Variants in NUP210 observed in about 807,000 individuals in gnomAD.
NUP210 encodes the protein nucleoporin 210.
In NUP210, 151 loss-of-function variants were observed where a neutral mutation model predicts 196.0. The observed-to-expected ratio is 0.77, with a 90% CI of 0.67 to 0.88. The LOEUF (loss-of-function observed/expected upper bound fraction) is 0.88. Among genes scored for constraint, NUP210 ranks in the 40% least tolerant of loss-of-function variants. The probability of loss-of-function intolerance (pLI) is 0.00; values close to 1 mark genes in which losing one functional copy is unlikely to be tolerated. For missense variants in NUP210, 2,314 were observed against 2,493.7 expected (o/e 0.93, Z 1.53); for synonymous variants, 1,070 against 1,052.7 (o/e 1.02, Z -0.32).
intron 1 of NUP210, among the ~76,000 whole-genome samples, chr3:13,419,173 G>A (rs929612315): frequency 1.3e-5 from 2 of 150,576 alleles, no homozygotes; most frequent in African/African-American, 5.0e-5. Flanking sequence ...CAGAAATAAA[G>A]GGAGCAACTA....
chr3:13,371,656 G>A (rs1019457639), intron 13 of NUP210, among the ~76,000 whole-genome samples, 178 bp downstream of exon 13: 6 of 152,192 alleles, frequency 3.9e-5, no homozygotes, highest in African/African-American at 7.2e-5. Flanking sequence ...CACACGGTGG[G>A]CAAGATCCAG....
intron 27 of NUP210, 136 bp downstream of exon 27, chr3:13,336,651 A>C: frequency 3.3e-6 from 3 of 897,148 alleles, no homozygotes; most frequent in East Asian, 2.9e-5. Flanking sequence ...GGGAGAGGGA[A>C]GAAAGTGGGC....
chr3:13,342,217 C>A, intron 21 of NUP210, 94 bp from the exon 22 acceptor site: 16 of 1,474,916 alleles, frequency 1.1e-5, no homozygotes, highest in Non-Finnish European at 1.5e-5. Flanking sequence ...GCATCACTAA[C>A]CTCAACCCAC....
chr3:13,374,277 G>A (rs1042317084), intron 11 of NUP210, among the ~76,000 whole-genome samples: 11 of 151,962 alleles, frequency 7.2e-5, no homozygotes, highest in African/African-American at 1.7e-4. Flanking sequence ...TCGCACCCAC[G>A]GTACACTCAC....
At chr3:13,412,188 G>A (rs1394591499) in intron 1 of NUP210, among the ~76,000 whole-genome samples, 1 of 151,062 alleles carries the variant, frequency 6.6e-6, no homozygotes, top group African/African-American at 2.4e-5. Flanking sequence ...GGAGTAGCTG[G>A]GACCACAGGT....
intron 1 of NUP210, among the ~76,000 whole-genome samples, chr3:13,415,469 A>G (rs1166248653): frequency 6.6e-6 from 1 of 152,168 alleles, no homozygotes; most frequent in African/African-American, 2.4e-5. Flanking sequence ...CTGTGACTCT[A>G]AGGCCAGGCA....
chr3:13,412,483 G>A (rs1238955487), intron 1 of NUP210, among the ~76,000 whole-genome samples: 6 of 151,820 alleles, frequency 4.0e-5, no homozygotes, highest in African/African-American at 9.7e-5. Context: ...GGAGGCAGAG[G>A]AGGGCTGATC....
chr3:13,319,981 T>C lies in NUP210; in HGVS notation c.5167-2A>G. On this transcript the variant is annotated splice_acceptor_variant, in intron 36 of 39. Coordinates refer to ENST00000254508, the MANE Select transcript of NUP210 (RefSeq NM_024923.4). LOFTEE classifies it high-confidence loss of function. ...CACGGCCGGGGACCCGGATTTCACC[T>C]GGAAGAGACATCAGAGCTGGGGGTG... The C allele has an allele frequency of 6.2e-7, 1 of 1,613,282 alleles. No individual in the cohort carries two copies. The highest frequency in any genetic ancestry group is 8.5e-7 in the Non-Finnish European group (1 of 1,179,972).
intron 21 of NUP210, 66 bp from the exon 22 acceptor site, chr3:13,342,189 C>T: frequency 6.3e-7 from 1 of 1,585,224 alleles, no homozygotes; most frequent in Non-Finnish European, 8.6e-7. Flanking sequence ...CTATGGTGCT[C>T]CGTGACTTTC....
At chr3:13,338,909 C>G (rs985274167) in intron 25 of NUP210, among the ~76,000 whole-genome samples, 1 of 152,152 alleles carries the variant, frequency 6.6e-6, no homozygotes, top group African/African-American at 2.4e-5. Context: ...CTGTGCCCCT[C>G]TTGCTGAATT....
At chr3:13,341,699 C>A (rs745841438) in intron 23 of NUP210, 49 bp downstream of exon 23, 2 of 1,606,412 alleles carry the variant, frequency 1.2e-6, no homozygotes. Flanking sequence ...ACACTCCCAA[C>A]CCCCAGCACT....
intron 2 of NUP210, among the ~76,000 whole-genome samples, chr3:13,398,043 A>G (rs542285464): frequency 1.3e-5 from 2 of 152,346 alleles, no homozygotes; most frequent in African/African-American, 4.8e-5. Context: ...AAGAGATACA[A>G]AATTGTTCTG....
At chr3:13,342,638 CACTGAGGA>C (rs1697558914) in intron 21 of NUP210, among the ~76,000 whole-genome samples, 1 of 152,214 alleles carries the variant, frequency 6.6e-6, no homozygotes, top group Non-Finnish European at 1.5e-5. Context: ...CCCTTCTATC[CACTGAGGA>C]ACCTGACCGC....
At chr3:13,381,241 C>G (rs1213190935) in intron 6 of NUP210, among the ~76,000 whole-genome samples, 3 of 152,196 alleles carry the variant, frequency 2.0e-5, no homozygotes, top group African/African-American at 7.2e-5. Context: ...AGCTTCCTCC[C>G]TTGTTTACTT....
intron 1 of NUP210, among the ~76,000 whole-genome samples, chr3:13,407,296 T>C (rs1700034497): frequency 6.6e-6 from 1 of 152,120 alleles, no homozygotes; most frequent in Admixed American, 6.5e-5. Flanking sequence ...GTGCCTATAG[T>C]TCCAATTATG....
In NUP210 at chr3:13,418,605, T is replaced by C. The variant is rs372582360; in HGVS notation, c.167+1455A>G. On this transcript the variant is annotated intron_variant, in intron 1 of 39. Transcript: ENST00000254508. ...GAGTTTGAGACCAGCCTGGCCAACA[T>C]AGTGAAACCCCGTCTCTACTAAAAT... is the stretch of plus-strand genomic sequence containing the variant. Among the ~76,000 whole-genome samples, 74 of 151,954 alleles carry C rather than the reference T, an allele frequency of 4.9e-4. 1 individual carries two copies. The highest frequency in any genetic ancestry group is 1.8e-3 in the African/African-American group (73 of 41,446).
chr3:13,379,894 G>A lies in NUP210; in HGVS notation c.818-173C>T, dbSNP rs1356075953. Among the ~76,000 whole-genome samples the A allele has an allele frequency of 1.6e-4, 24 of 152,152 alleles. No homozygotes were observed. The highest frequency in any genetic ancestry group is 1.6e-3 in the Admixed American group (24 of 15,274). ...AAATGTTAATATTGTTCTGCATGCT[G>A]GTGGACAAAACTGACACTCCATGAA... On this transcript the variant is annotated intron_variant, in intron 6 of 39. Coordinates refer to ENST00000254508, the MANE Select transcript of NUP210 (RefSeq NM_024923.4). This position sits in a 1 kb window ranked among gnomAD's most constrained non-coding sequence, Gnocchi z 4.2.
rs572054120 is a variant in NUP210, at chr3:13,322,053, T to C, written c.4915+140A>G. 6 of 1,214,774 alleles carry C rather than the reference T, an allele frequency of 4.9e-6. No individual in the cohort carries two copies. In the South Asian group the frequency reaches 7.0e-5, roughly 14 times the overall value. 75.2% of individuals were successfully genotyped at this position (1,214,774 alleles called of 1,614,324 possible). ...GCAGTCCTCCCAAGTCCCCCTGGCGTCAATCCCCAGGCTGGGCTCCTGACA... is the reference window on the plus strand; with the variant it reads ...GCAGTCCTCCCAAGTCCCCCTGGCGCCAATCCCCAGGCTGGGCTCCTGACA... On this transcript the variant is annotated intron_variant, in intron 35 of 39. Coordinates refer to ENST00000254508, the MANE Select transcript of NUP210 (RefSeq NM_024923.4).
In NUP210 at chr3:13,365,994, G is replaced by T. The variant is rs537247738; in HGVS notation, c.1884C>A (p.His628Gln). 1 of 1,614,226 alleles carries T rather than the reference G, an allele frequency of 6.2e-7. No homozygotes were observed. Among genetic ancestry groups the T allele is most frequent in the Admixed American group, 1.7e-5 (1 of 60,026 alleles). The change falls in exon 14 of 40, where the codon CAC becomes CAA. Residue 628 changes from histidine (H) to glutamine (Q), a missense_variant. By Grantham distance (24) the His-to-Gln change is conservative (BLOSUM62 0). Coordinates refer to ENST00000254508, the MANE Select transcript of NUP210 (RefSeq NM_024923.4). ...TTLLVSYRHG[H>Q]VHLSAKITIA... The stretch of plus-strand genomic sequence containing the variant: ...TGGTGATCTTGGCACTCAGGTGGAC[G>T]TGGCCGTGTCTGTAGCTCACAAGAA...
Sources: allele counts gnomAD v4.1 joint callset (sites outside exome capture counted in the v4.1 genomes callset), GRCh38; gene constraint gnomAD v4.1.1; non-coding constraint Gnocchi (gnomAD v3.1); transcripts MANE v1.5; gene names NCBI Gene and HGNC (gene_info 2026-07-23, HGNC 2026-07-21).